Variants in BSG observed in about 807,000 individuals in gnomAD.
The protein encoded by BSG is basigin.
A neutral mutation model predicts 43.1 loss-of-function variants in BSG; 37 were observed. The observed-to-expected ratio is 0.86, with a 90% confidence interval of 0.66 to 1.13. BSG has a LOEUF of 1.13. Ranked by LOEUF, BSG falls within the 50% of genes most tolerant of loss-of-function variation. The pLI is 0.00. For synonymous variants in BSG, 309 were observed against 238.7 expected (o/e 1.29, Z -2.72); for missense variants, 599 against 554.2 (o/e 1.08, Z -0.81).
At position 580,665 on chromosome 19, in the gene BSG, T is replaced by C. The variant is rs4682; in HGVS notation, c.675T>C (p.Ala225=). 0.24 allele frequency: 380,317 copies of C among 1,599,520 alleles called. 49,246 individuals are homozygous for C. The highest frequency in any genetic ancestry group is 0.48 in the East Asian group (21,474 of 44,834). ...IQLHGPPRVK[A]VKSSEHINEG... ...TGTCAGGGCCTCCCAGAGTGAAGGCTGTGAAGTCGTCAGAACACATCAACG... is the reference window on the plus strand; with the variant it reads ...TGTCAGGGCCTCCCAGAGTGAAGGCCGTGAAGTCGTCAGAACACATCAACG... The change falls in exon 5 of 9, where the codon GCT becomes GCC. Residue 225 remains alanine (A), a synonymous_variant. Coordinates refer to ENST00000333511, the MANE Select transcript of BSG (RefSeq NM_001728.4).
intron 2 of BSG, chr19:579,214 C>T: frequency 1.8e-6 from 1 of 547,418 alleles, no homozygotes; most frequent in Non-Finnish European, 3.5e-6. Flanking sequence ...CCTCTGGGTT[C>T]CCAGCGCCTT....
Position 582,836 on chromosome 19 carries a change from TAAAG to T in BSG, c.*96_*99del, listed in dbSNP as rs764446666. On this transcript the variant is annotated 3_prime_UTR_variant, in exon 9 of 9. Coordinates refer to ENST00000333511, the MANE Select transcript of BSG (RefSeq NM_001728.4). ...TGCAAGATTCCAAGTTCTCACCTCT[TAAAG>T]AAAACCCACCCCGTAGATTCCCATC... is the stretch of plus-strand genomic sequence containing the variant. 9.7e-5 allele frequency: 54 copies of T among 554,250 alleles called. No individual in the cohort carries two copies. Among genetic ancestry groups the T allele is most frequent in the Admixed American group, 2.8e-4 (8 of 28,522 alleles). 34.3% of individuals were successfully genotyped at this position (554,250 alleles called of 1,614,324 possible). A position where few individuals can be genotyped will look rare whatever the true frequency, so the allele number is the denominator to read the frequency against.
intron 3 of BSG, 24 bp from the exon 4 acceptor site, chr19:580,355 C>T (rs771167010): frequency 1.2e-5 from 20 of 1,606,888 alleles, no homozygotes; most frequent in South Asian, 9.9e-5. Context: ...TGGTACGCGG[C>T]TCACCTGCCT....
chr19:580,300 T>A (rs1406943511), intron 3 of BSG, 79 bp from the exon 4 acceptor site: 10 of 1,339,394 alleles, frequency 7.5e-6, no homozygotes, highest in Non-Finnish European at 1.0e-5. Context: ...GTGCCGTGGT[T>A]GGGCCCCTGG....
intron 3 of BSG, among the ~76,000 whole-genome samples, 153 bp from the exon 4 acceptor site, chr19:580,226 G>A (rs956647678): frequency 1.3e-5 from 2 of 152,128 alleles, no homozygotes; most frequent in Admixed American, 6.5e-5. Flanking sequence ...CCTTGGGGCC[G>A]CACGGGGACC....
At chr19:578,777 G>A in intron 2 of BSG, 1 of 313,514 alleles carries the variant, frequency 3.2e-6, no homozygotes. Flanking sequence ...CTGTTCCCAG[G>A]TGGAGTGTGG....
intron 1 of BSG, among the ~76,000 whole-genome samples, chr19:577,141 C>G (rs767824013): frequency 1.2e-4 from 19 of 152,180 alleles, no homozygotes; most frequent in Non-Finnish European, 2.4e-4. Context: ...TGCTGTGCTC[C>G]TTGGCAGCTC....
intron 3 of BSG, 35 bp downstream of exon 3, chr19:579,691 C>T (rs1982115476): frequency 1.9e-6 from 3 of 1,576,894 alleles, no homozygotes; most frequent in Admixed American, 1.8e-5. Flanking sequence ...GCCACCTGCC[C>T]CTTCTCACGG....
At chr19:582,399 AG>A in intron 7 of BSG, 69 bp downstream of exon 7, 2 of 1,552,208 alleles carry the variant, frequency 1.3e-6, no homozygotes, top group South Asian at 2.3e-5. Flanking sequence ...TAAAACACAA[AG>A]GCAGAGCCCC....
Position 581,353 on chromosome 19 carries a change from T to C in BSG, c.831T>C (p.Ser277=). 6.2e-7 allele frequency: 1 copy of C among 1,612,584 alleles called. No individual in the cohort carries two copies. Among genetic ancestry groups the C allele is most frequent in the Non-Finnish European group, 8.5e-7 (1 of 1,179,840 alleles). Residue 277 remains serine, a synonymous_variant, in exon 6 of 9, where the codon AGT becomes AGC. Transcript: ENST00000333511. The part of the protein sequence containing the change: ...MNGSESRFFV[S]SSQGRSELHI... Reference sequence around the variant, plus strand: ...GCTCCGAGAGCAGGTTCTTCGTGAGTTCCTCGCAGGGCCGGTCAGAGCTAC... The same window carrying C: ...GCTCCGAGAGCAGGTTCTTCGTGAGCTCCTCGCAGGGCCGGTCAGAGCTAC...
chr19:582,359 C>T (rs1982400852), intron 7 of BSG, 29 bp downstream of exon 7: 1 of 1,596,500 alleles, frequency 6.3e-7, no homozygotes, highest in East Asian at 2.2e-5. Flanking sequence ...GGTCGGGGGT[C>T]CCAAGGAGCG....
At chr19:580,313 A>T in intron 3 of BSG, 66 bp from the exon 4 acceptor site, 1 of 1,467,368 alleles carries the variant, frequency 6.8e-7, no homozygotes, top group Non-Finnish European at 9.4e-7. Context: ...GCCCCTGGAG[A>T]ACCCTGGGTC....
upstream of BSG, chr19:571,633 G>T (rs537171122): frequency 4.3e-4 from 332 of 778,566 alleles, 5 homozygotes; most frequent in Middle Eastern, 2.3e-3. Flanking sequence ...ATATTTGGGG[G>T]CGGCGAGTCG....
At chr19:572,444 G>C (rs930399114), upstream of BSG, 2 of 1,147,110 alleles carry the variant, frequency 1.7e-6, no homozygotes, top group East Asian at 4.3e-5. Context: ...GAGCCTGCCG[G>C]AGCCGGCGCG....
Position 579,649 on chromosome 19 carries a change from G to A in BSG, c.565G>A (p.Glu189Lys). 1 of 1,607,848 alleles carries A rather than the reference G, an allele frequency of 6.2e-7. No individual in the cohort carries two copies. The highest frequency in any genetic ancestry group is 1.1e-5 in the South Asian group (1 of 90,524). The change falls in exon 3 of 9, where the codon GAG (glutamate) becomes AAG (lysine). Residue 189 changes from glutamate (E) to lysine (K), a missense_variant. Physicochemically the swap from Glu to Lys is moderately conservative, Grantham distance 56 (BLOSUM62 1). Coordinates refer to ENST00000333511, the MANE Select transcript of BSG (RefSeq NM_001728.4). ...GGACGCGCTGCCCGGCCAGAAAACG[G>A]AGTTCAAGTGAGTGCCTGACCACGC... ...KEDALPGQKTEFKVDSDDQWG... is the reference protein window; with the variant it reads ...KEDALPGQKTKFKVDSDDQWG...
chr19:582,397 A>C, intron 7 of BSG, 67 bp downstream of exon 7: 1 of 1,594,544 alleles, frequency 6.3e-7, no homozygotes, highest in Non-Finnish European at 8.5e-7. Flanking sequence ...TTTAAAACAC[A>C]AAGGCAGAGC....
intron 7 of BSG, 88 bp downstream of exon 7, chr19:582,418 C>G: frequency 6.3e-7 from 1 of 1,584,688 alleles, no homozygotes; most frequent in Non-Finnish European, 8.6e-7. Context: ...CCCTGGGCTT[C>G]AGTATTCGGG....
chr19:573,180 C>T (rs1981437678), intron 1 of BSG, among the ~76,000 whole-genome samples: 1 of 152,130 alleles, frequency 6.6e-6, no homozygotes, highest in African/African-American at 2.4e-5. Context: ...TCCCCTTTGG[C>T]CTGGAGCCAG....
At chr19:580,157 C>T (rs1373376147) in intron 3 of BSG, among the ~76,000 whole-genome samples, 3 of 85,954 alleles carry the variant, frequency 3.5e-5, no homozygotes, top group African/African-American at 1.2e-4. Context: ...GTTCATCAGT[C>T]GGGGAGAAGG....
Sources: allele counts gnomAD v4.1 joint callset (sites outside exome capture counted in the v4.1 genomes callset), GRCh38; gene constraint gnomAD v4.1.1; transcripts MANE v1.5; gene names NCBI Gene and HGNC (gene_info 2026-07-23, HGNC 2026-07-21).